The following FAM13A variants were observed in gnomAD, a reference collection of about 807,000 sequenced individuals.
The protein encoded by FAM13A is family with sequence similarity 13 member A.
FAM13A carries 76 observed loss-of-function variants against 129.6 expected under a neutral mutation model. The ratio of observed to expected loss-of-function variants is 0.59; its 90% CI spans 0.49 to 0.71. The LOEUF (loss-of-function observed/expected upper bound fraction) is 0.71, where lower values mean the gene tolerates loss of function less well. Ranked by LOEUF, FAM13A falls within the 30% of genes least tolerant of loss-of-function variation. The pLI, the probability that FAM13A is intolerant of heterozygous loss-of-function variation, is 0.00. For missense variants in FAM13A, 1,108 were observed against 1,249.3 expected (o/e 0.89, Z 1.70); for synonymous variants, 443 against 449.9 (o/e 0.98, Z 0.20).
At chr4:88,811,033 C>T (rs1457680774) in intron 7 of FAM13A, among the ~76,000 whole-genome samples, 1 of 152,100 alleles carries the variant, frequency 6.6e-6, no homozygotes, top group Non-Finnish European at 1.5e-5. Flanking sequence ...ATATAATGCA[C>T]ACTGAATGAA....
At chr4:88,998,965 C>T (rs1206884527) in intron 3 of FAM13A, among the ~76,000 whole-genome samples, 1 of 152,106 alleles carries the variant, frequency 6.6e-6, no homozygotes, top group African/African-American at 2.4e-5. Context: ...GATAAAGTGA[C>T]TAATAAAAAT....
chr4:88,945,476 T>C lies in FAM13A; in HGVS notation c.606-7235A>G, dbSNP rs112045265. ...ACTCTTGCCCCTCTTAATTTTTCCA[T>C]ATGTAGGCCTTCTTCTTTCTCTTGG... On this transcript the variant is annotated intron_variant, in intron 4 of 23. Coordinates refer to ENST00000264344, the MANE Select transcript of FAM13A (RefSeq NM_014883.4). 3.9e-3 allele frequency among the ~76,000 whole-genome samples: 591 copies of C among 152,254 alleles called. 3 individuals carry two copies. Among genetic ancestry groups the C allele is most frequent in the African/African-American group, 0.014 (570 of 41,548 alleles).
At chr4:88,985,089 C>T (rs1414279184) in intron 4 of FAM13A, among the ~76,000 whole-genome samples, 1 of 152,170 alleles carries the variant, frequency 6.6e-6, no homozygotes, top group Non-Finnish European at 1.5e-5. Context: ...TGTCTCTACA[C>T]TGAAATATTA....
intron 6 of FAM13A, among the ~76,000 whole-genome samples, chr4:88,883,646 A>C (rs1343677746): frequency 6.6e-6 from 1 of 152,108 alleles, no homozygotes; most frequent in Non-Finnish European, 1.5e-5. Context: ...CAGCAGAAGA[A>C]AAGAAATAAT....
chr4:88,953,154 C>G (rs2148883882), intron 4 of FAM13A, among the ~76,000 whole-genome samples: 2 of 152,058 alleles, frequency 1.3e-5, no homozygotes, highest in Non-Finnish European at 2.9e-5. Context: ...TTCATTACCC[C>G]AAGAAGAAAC....
At position 88,845,898 on chromosome 4, in the gene FAM13A, T is replaced by G. The variant is rs569062525; in HGVS notation, c.1007+5122A>C. Among the ~76,000 whole-genome samples the G allele has an allele frequency of 3.2e-4, 49 of 152,354 alleles. No homozygotes were observed. The Middle Eastern group carries it at 0.01, about 32-fold the overall frequency. ...ACACTGTCCCATGGTAAGATTTATT[T>G]TTAATATACATTGAAAAGTGATTTA... On this transcript the variant is annotated intron_variant, in intron 7 of 23. Coordinates refer to ENST00000264344, the MANE Select transcript of FAM13A (RefSeq NM_014883.4).
chr4:88,995,348 G>A (rs1763419663), intron 3 of FAM13A, among the ~76,000 whole-genome samples: 1 of 152,150 alleles, frequency 6.6e-6, no homozygotes, highest in Non-Finnish European at 1.5e-5. Context: ...CTGTGAGGGT[G>A]TTGCCAAAGG....
At chr4:88,889,170 G>C (rs530667713) in intron 6 of FAM13A, among the ~76,000 whole-genome samples, 1 of 152,330 alleles carries the variant, frequency 6.6e-6, no homozygotes, top group East Asian at 1.9e-4. Context: ...GCGTGTGTGT[G>C]TTTGTGTACT....
chr4:89,031,868 T>A (rs1327899815), intron 1 of FAM13A, among the ~76,000 whole-genome samples: 1 of 152,162 alleles, frequency 6.6e-6, no homozygotes, highest in Non-Finnish European at 1.5e-5. Flanking sequence ...AATTCCTTGA[T>A]TTATTCCTAG....
At chr4:88,883,843 C>G (rs1421367188) in intron 6 of FAM13A, among the ~76,000 whole-genome samples, 4 of 151,900 alleles carry the variant, frequency 2.6e-5, no homozygotes, top group African/African-American at 9.6e-5. Flanking sequence ...ATTGAAATTA[C>G]CACAGAAATA....
intron 7 of FAM13A, among the ~76,000 whole-genome samples, chr4:88,831,794 A>G (rs1454725367): frequency 6.6e-6 from 1 of 152,216 alleles, no homozygotes; most frequent in East Asian, 1.9e-4. Flanking sequence ...AGGAAGAATC[A>G]GTATCGTGAA....
intron 19 of FAM13A, among the ~76,000 whole-genome samples, chr4:88,739,788 A>AAG (rs1739836750): frequency 7.4e-6 from 1 of 135,782 alleles, no homozygotes; most frequent in African/African-American, 2.6e-5. Context: ...CTCTGTCTCA[A>AAG]AAAAAAAAAA....
intron 1 of FAM13A, among the ~76,000 whole-genome samples, chr4:89,055,853 C>T (rs1772147149): frequency 6.6e-6 from 1 of 152,138 alleles, no homozygotes; most frequent in Non-Finnish European, 1.5e-5. Flanking sequence ...ACAAGGTCAT[C>T]CTGCAGTTTC....
At chr4:88,950,659 T>C (rs1041045056) in intron 4 of FAM13A, among the ~76,000 whole-genome samples, 1 of 152,202 alleles carries the variant, frequency 6.6e-6, no homozygotes, top group Non-Finnish European at 1.5e-5. Flanking sequence ...GTTAGCATCT[T>C]GAAGATAGAT....
chr4:88,844,432 G>C (rs1736317075), intron 7 of FAM13A, among the ~76,000 whole-genome samples: 1 of 152,096 alleles, frequency 6.6e-6, no homozygotes, highest in Non-Finnish European at 1.5e-5. Flanking sequence ...TTCATCCAAG[G>C]TCATTTTGCA....
chr4:88,986,236 T>C (rs1169038766), intron 4 of FAM13A, among the ~76,000 whole-genome samples: 1 of 151,862 alleles, frequency 6.6e-6, no homozygotes, highest in East Asian at 1.9e-4. Context: ...CGGGTTCAAG[T>C]GACTCTCATG....
At chr4:88,971,302 T>C (rs1241533987) in intron 4 of FAM13A, among the ~76,000 whole-genome samples, 3 of 152,218 alleles carry the variant, frequency 2.0e-5, no homozygotes, top group Non-Finnish European at 4.4e-5. Flanking sequence ...GCTTAGTAAC[T>C]GTCTTTTGGA....
At chr4:88,964,447 C>T (rs1055339245) in intron 4 of FAM13A, among the ~76,000 whole-genome samples, 6 of 151,766 alleles carry the variant, frequency 4.0e-5, no homozygotes, top group African/African-American at 1.5e-4. Flanking sequence ...TTAGGAAAGA[C>T]CTCCTAGAGG....
chr4:89,041,023 AC>A (rs1197500076), intron 1 of FAM13A, among the ~76,000 whole-genome samples: 2 of 151,944 alleles, frequency 1.3e-5, no homozygotes, highest in Non-Finnish European at 2.9e-5. Context: ...CACCAGACCC[AC>A]TCTTGGACCC....
Sources: allele counts gnomAD v4.1 joint callset (sites outside exome capture counted in the v4.1 genomes callset), GRCh38; gene constraint gnomAD v4.1.1; transcripts MANE v1.5; gene names NCBI Gene and HGNC (gene_info 2026-07-23, HGNC 2026-07-21).